TFDP2: variants seen among roughly 807,000 people sequenced by gnomAD.
The protein encoded by TFDP2 is transcription factor Dp-2.
In TFDP2, 17 loss-of-function variants were observed where a neutral mutation model predicts 59.3. The observed-to-expected ratio is 0.29, with a 90% CI of 0.20 to 0.43. The LOEUF (loss-of-function observed/expected upper bound fraction) is 0.43, where lower values mean the gene tolerates loss of function less well. Among genes scored for constraint, TFDP2 ranks in the 20% least tolerant of loss-of-function variants. The pLI is 1.00. For synonymous variants in TFDP2, 180 were observed against 194.7 expected (o/e 0.92, Z 0.63); for missense variants, 391 against 528.8 (o/e 0.74, Z 2.56).
At chr3:141,965,194 T>C (rs1937780334) in intron 9 of TFDP2, among the ~76,000 whole-genome samples, 1 of 152,142 alleles carries the variant, frequency 6.6e-6, no homozygotes, top group Non-Finnish European at 1.5e-5. Context: ...TAAAAGTTCC[T>C]CAAGTCAGAG....
intron 3 of TFDP2, among the ~76,000 whole-genome samples, chr3:142,085,559 A>G (rs1576942622): frequency 6.6e-6 from 1 of 152,060 alleles, no homozygotes; most frequent in East Asian, 1.9e-4. Context: ...TATTTTTCTC[A>G]TTTTTCTTTG....
Position 142,149,339 on chromosome 3 carries a change from G to T in TFDP2, c.-249C>A. 2.5e-6 allele frequency: 1 copy of T among 393,174 alleles called. No individual in the cohort carries two copies. The highest frequency in any genetic ancestry group is 4.5e-6 in the Non-Finnish European group (1 of 222,906). The allele number at this position is 393,174 out of a possible 1,614,324, so 24.4% of individuals were successfully genotyped here. On this transcript the variant is annotated 5_prime_UTR_variant, in exon 1 of 13. Coordinates refer to ENST00000489671, the MANE Select transcript of TFDP2 (RefSeq NM_001178139.2). ...GGGAGACGCGGCCTGCCCGGTCAAG[G>T]CCCAGGAGTTTGAGGCCCCAGAACG...
intron 1 of TFDP2, among the ~76,000 whole-genome samples, chr3:142,148,933 G>A (rs756822885): frequency 3.3e-5 from 5 of 152,222 alleles, no homozygotes; most frequent in Non-Finnish European, 7.3e-5. Context: ...TCCACGAGGC[G>A]TGACTCAGGG....
At chr3:142,039,055 T>C (rs369165201) in intron 3 of TFDP2, among the ~76,000 whole-genome samples, 7 of 152,200 alleles carry the variant, frequency 4.6e-5, no homozygotes, top group Non-Finnish European at 8.8e-5. Context: ...GCTGTATTAT[T>C]CTGAGTTCCC....
chr3:141,985,264 C>T (rs1186505133), intron 6 of TFDP2, among the ~76,000 whole-genome samples: 2 of 152,048 alleles, frequency 1.3e-5, no homozygotes, highest in Non-Finnish European at 2.9e-5. Context: ...CACAGTGGCT[C>T]AAGTCTATAA....
In TFDP2 at chr3:142,042,489, G is replaced by A. The variant is rs184659740; in HGVS notation, c.83-36945C>T. Among the ~76,000 whole-genome samples the A allele has an allele frequency of 1.3e-3, 203 of 151,822 alleles. 1 individual carries two copies. Among genetic ancestry groups the A allele is most frequent in the African/African-American group, 4.4e-3 (184 of 41,438 alleles). ...GTACTTTTGTACTTTTAGTAGAGAC[G>A]GGGTTTCACCATGTTGGCCAGGATG... is the stretch of plus-strand genomic sequence containing the variant. On this transcript the variant is annotated intron_variant, in intron 3 of 12. Coordinates refer to ENST00000489671, the MANE Select transcript of TFDP2 (RefSeq NM_001178139.2).
At chr3:142,138,226 T>C (rs926184271) in intron 1 of TFDP2, among the ~76,000 whole-genome samples, 4 of 152,196 alleles carry the variant, frequency 2.6e-5, no homozygotes, top group Non-Finnish European at 5.9e-5. Flanking sequence ...TGATATCCCC[T>C]TTATCATTTT....
At chr3:141,969,166 AT>A (rs1939208177) in intron 9 of TFDP2, among the ~76,000 whole-genome samples, 1 of 57,034 alleles carries the variant, frequency 1.8e-5, no homozygotes, top group African/African-American at 1.3e-4. Context: ...TATATATAAC[AT>A]ATATATATAT....
intron 6 of TFDP2, among the ~76,000 whole-genome samples, chr3:141,979,868 C>T (rs1402185071): frequency 2.0e-5 from 3 of 151,228 alleles, no homozygotes; most frequent in African/African-American, 4.9e-5. Flanking sequence ...GGATTACAGG[C>T]GTGAGCCACT....
chr3:142,063,031 G>C (rs866384732), intron 3 of TFDP2, among the ~76,000 whole-genome samples: 3 of 152,274 alleles, frequency 2.0e-5, no homozygotes, highest in Middle Eastern at 3.4e-3. Context: ...CTAGATATGA[G>C]TGCTGGCTTA....
At position 142,098,426 on chromosome 3, in the gene TFDP2, C is replaced by T. The variant is rs944412177; in HGVS notation, c.15+3309G>A. Among the ~76,000 whole-genome samples, 3 of 151,302 alleles carry T rather than the reference C, an allele frequency of 2.0e-5. No individual in the cohort carries two copies. The South Asian group carries it at 6.3e-4, about 32-fold the overall frequency. On this transcript the variant is annotated intron_variant, in intron 2 of 12. Transcript: ENST00000489671. ...CCAGATACAATAAATATGTTGCCAG[C>T]TCCTCACCTCTTCCTTTTGCAAAGT... is the stretch of plus-strand genomic sequence containing the variant.
intron 1 of TFDP2, among the ~76,000 whole-genome samples, chr3:142,136,130 G>A (rs1011926014): frequency 6.6e-6 from 1 of 152,016 alleles, no homozygotes; most frequent in African/African-American, 2.4e-5. Context: ...TTGTGGTTTT[G>A]ATTTGCATTT....
At chr3:142,087,368 A>G (rs1251454082) in intron 3 of TFDP2, among the ~76,000 whole-genome samples, 1 of 150,600 alleles carries the variant, frequency 6.6e-6, no homozygotes, top group Non-Finnish European at 1.5e-5. Context: ...ACCTAAACAT[A>G]GCTAAACATA....
intron 1 of TFDP2, among the ~76,000 whole-genome samples, chr3:142,138,564 T>C (rs1453285993): frequency 6.6e-6 from 1 of 152,244 alleles, no homozygotes; most frequent in Non-Finnish European, 1.5e-5. Flanking sequence ...TTCTGGTACA[T>C]TGTGTCTTTG....
intron 1 of TFDP2, among the ~76,000 whole-genome samples, chr3:142,146,737 C>T (rs1334090430): frequency 6.6e-6 from 1 of 152,088 alleles, no homozygotes; most frequent in African/African-American, 2.4e-5. Flanking sequence ...AACAAATCCA[C>T]AAGTGGGCTA....
intron 3 of TFDP2, chr3:142,044,047 ATGATCAGCTCATCTT>A (rs1410177305): frequency 9.1e-6 from 6 of 657,596 alleles, no homozygotes; most frequent in Non-Finnish European, 1.7e-5. Flanking sequence ...AGGCTTGCTG[ATGATCAGCTCATCTT>A]TGATCAGCTT....
At chr3:142,127,787 A>G (rs2062327180) in intron 1 of TFDP2, among the ~76,000 whole-genome samples, 1 of 152,194 alleles carries the variant, frequency 6.6e-6, no homozygotes, top group Non-Finnish European at 1.5e-5. Flanking sequence ...TATCTTACAT[A>G]TATCTCATCA....
chr3:142,052,760 C>A (rs889379124), intron 3 of TFDP2, among the ~76,000 whole-genome samples: 1 of 151,974 alleles, frequency 6.6e-6, no homozygotes, highest in Non-Finnish European at 1.5e-5. Flanking sequence ...AGGGTAGTTC[C>A]GCCTCCCAAG....
chr3:142,005,298 C>A, intron 4 of TFDP2, 143 bp downstream of exon 4: 1 of 591,634 alleles, frequency 1.7e-6, no homozygotes, highest in Admixed American at 3.3e-5. Flanking sequence ...CTCGGCCTCC[C>A]AAAGTGTTGG....
Sources: gnomAD v4.1 joint callset for allele counts (sites outside exome capture counted in the v4.1 genomes callset) on GRCh38, gnomAD v4.1.1 for gene constraint, MANE v1.5 for transcripts, NCBI Gene and HGNC (gene_info 2026-07-23, HGNC 2026-07-21) for gene names.